Variants in STPG2 observed in about 807,000 individuals in gnomAD.
STPG2 encodes the protein sperm tail PG-rich repeat containing 2, also known as sperm-tail PG-rich repeat-containing protein 2.
In STPG2, 56 loss-of-function variants were observed where a neutral mutation model predicts 54.2. The observed-to-expected ratio is 1.03, with a 90% CI of 0.83 to 1.29. The LOEUF is 1.29. STPG2 is among the 50% of genes most tolerant of loss of function. The pLI is 0.00. For synonymous variants in STPG2, 200 were observed against 181.8 expected, an observed-to-expected ratio of 1.10 and a Z score of -0.81; for missense variants, 596 against 544.9, an observed-to-expected ratio of 1.09 and a Z score of -0.93.
intron 9 of STPG2, among the ~76,000 whole-genome samples, chr4:97,721,797 C>T (rs955057419): frequency 2.6e-5 from 4 of 152,026 alleles, no homozygotes; most frequent in African/African-American, 7.2e-5. Context: ...TGGTACACAT[C>T]AGAAACTGTA....
At chr4:97,573,380 G>A (rs1238090349) in intron 10 of STPG2, among the ~76,000 whole-genome samples, 1 of 151,910 alleles carries the variant, frequency 6.6e-6, no homozygotes, top group Admixed American at 6.6e-5. Flanking sequence ...GACCAATTCT[G>A]GCAATTCTGT....
intron 10 of STPG2, among the ~76,000 whole-genome samples, chr4:97,591,392 A>C (rs183823630): frequency 3.9e-5 from 6 of 152,296 alleles, no homozygotes; most frequent in African/African-American, 1.4e-4. Context: ...CTTTAACATT[A>C]ATCAGTTTAC....
intron 4 of STPG2, among the ~76,000 whole-genome samples, chr4:97,451,270 G>A (rs1729357259): frequency 6.6e-6 from 1 of 152,186 alleles, no homozygotes; most frequent in African/African-American, 2.4e-5. Flanking sequence ...CTACTGAAAA[G>A]TGGTGAAGTG....
intron 9 of STPG2, among the ~76,000 whole-genome samples, chr4:97,808,646 G>A (rs1047266401): frequency 3.4e-5 from 5 of 148,354 alleles, no homozygotes; most frequent in African/African-American, 1.2e-4. Flanking sequence ...TTACTAAAAA[G>A]TTCTAATTAA....
At chr4:97,776,997 C>G (rs1338260974) in intron 9 of STPG2, among the ~76,000 whole-genome samples, 1 of 152,116 alleles carries the variant, frequency 6.6e-6, no homozygotes, top group Non-Finnish European at 1.5e-5. Context: ...CTGCCTACCT[C>G]ACAAGTTTCT....
chr4:98,020,829 A>G (rs1736158066), intron 5 of STPG2, among the ~76,000 whole-genome samples: 1 of 152,054 alleles, frequency 6.6e-6, no homozygotes, highest in South Asian at 2.1e-4. Flanking sequence ...GTATTCTCTG[A>G]TGGTAGTTTG....
chr4:97,739,527 G>T (rs1725145544), intron 9 of STPG2, among the ~76,000 whole-genome samples: 1 of 152,062 alleles, frequency 6.6e-6, no homozygotes, highest in African/African-American at 2.4e-5. Flanking sequence ...AACGATAAAG[G>T]GGATATCACC....
At chr4:98,117,801 T>C (rs1019662352) in intron 3 of STPG2, among the ~76,000 whole-genome samples, 3 of 152,126 alleles carry the variant, frequency 2.0e-5, no homozygotes, top group African/African-American at 7.2e-5. Context: ...TCTTTATTGA[T>C]GCTCTCTATT....
intron 10 of STPG2, among the ~76,000 whole-genome samples, chr4:97,564,187 A>G (rs1263999755): frequency 6.6e-6 from 1 of 152,120 alleles, no homozygotes; most frequent in African/African-American, 2.4e-5. Context: ...CCATTATGTA[A>G]TGGCCTTCTT....
chr4:97,612,747 A>G (rs2148916295), intron 10 of STPG2, among the ~76,000 whole-genome samples: 1 of 152,180 alleles, frequency 6.6e-6, no homozygotes, highest in South Asian at 2.1e-4. Flanking sequence ...CTCAATTATA[A>G]GTAGTCAAGT....
chr4:97,487,966 C>T (rs928131256), intron 4 of STPG2, among the ~76,000 whole-genome samples: 7 of 151,084 alleles, frequency 4.6e-5, no homozygotes, highest in African/African-American at 1.7e-4. Context: ...TAAAAGAAAC[C>T]TATGTATTTA....
intron 9 of STPG2, among the ~76,000 whole-genome samples, chr4:97,731,252 G>T (rs1724785224): frequency 6.6e-6 from 1 of 152,054 alleles, no homozygotes; most frequent in African/African-American, 2.4e-5. Flanking sequence ...TTTGTTTCTG[G>T]GTGCTTCAGA....
intron 4 of STPG2, among the ~76,000 whole-genome samples, chr4:97,441,947 T>A (rs1578300471): frequency 6.6e-6 from 1 of 152,078 alleles, no homozygotes; most frequent in Admixed American, 6.5e-5. Flanking sequence ...TTTTCTCCAC[T>A]GACAAGTATT....
intron 9 of STPG2, among the ~76,000 whole-genome samples, chr4:97,739,132 G>T (rs1725127950): frequency 6.6e-6 from 1 of 152,090 alleles, no homozygotes; most frequent in Non-Finnish European, 1.5e-5. Flanking sequence ...ATAATGAAAT[G>T]AAGGCAGAAA....
At position 97,892,456 on chromosome 4, in the gene STPG2, G is replaced by A. The variant is rs190179997; in HGVS notation, c.1044+51441C>T. 3.4e-4 allele frequency among the ~76,000 whole-genome samples: 52 copies of A among 152,198 alleles called. 1 individual carries two copies. Among genetic ancestry groups the A allele is most frequent in the African/African-American group, 1.2e-3 (50 of 41,538 alleles). Reference sequence around the variant, plus strand: ...AATACCCTATATGGCCCAGGAAAGAGAACAAAATGCCTTATTTATGTTATC... The same window carrying A: ...AATACCCTATATGGCCCAGGAAAGAAAACAAAATGCCTTATTTATGTTATC... On this transcript the variant is annotated intron_variant, in intron 8 of 10. Coordinates refer to ENST00000295268, the MANE Select transcript of STPG2 (RefSeq NM_174952.3).
intron 10 of STPG2, among the ~76,000 whole-genome samples, chr4:97,562,634 G>C (rs1460369616): frequency 6.6e-6 from 1 of 152,142 alleles, no homozygotes; most frequent in Admixed American, 6.5e-5. Context: ...CTAATTTCTT[G>C]AGAGTTTTTA....
chr4:97,442,284 C>T (rs1463088767), intron 4 of STPG2, among the ~76,000 whole-genome samples: 1 of 151,394 alleles, frequency 6.6e-6, no homozygotes, highest in Non-Finnish European at 1.5e-5. Context: ...CAATACTCTT[C>T]TATTATCTAG....
chr4:97,840,659 C>A, intron 9 of STPG2, 114 bp downstream of exon 9: 1 of 1,186,590 alleles, frequency 8.4e-7, no homozygotes, highest in Non-Finnish European at 1.2e-6. Flanking sequence ...TTTTGTTATA[C>A]ATTATTTTGC....
intron 9 of STPG2, among the ~76,000 whole-genome samples, chr4:97,746,698 A>T (rs1164384369): frequency 6.6e-6 from 1 of 151,290 alleles, no homozygotes; most frequent in Non-Finnish European, 1.5e-5. Context: ...GGTTTAAACT[A>T]ATTATACTGA....
Sources: gnomAD v4.1 joint callset for allele counts (sites outside exome capture counted in the v4.1 genomes callset) on GRCh38, gnomAD v4.1.1 for gene constraint, MANE v1.5 for transcripts, NCBI Gene and HGNC (gene_info 2026-07-23, HGNC 2026-07-21) for gene names.